ZNF106: variants seen among roughly 807,000 people sequenced by gnomAD.
ZNF106 encodes the protein SH3-domain binding protein 3.
In ZNF106, 67 loss-of-function variants were observed where a neutral mutation model predicts 195.1. That is an observed-to-expected ratio of 0.34 (90% CI 0.28 to 0.42). The LOEUF (loss-of-function observed/expected upper bound fraction) is 0.42, where lower values mean the gene tolerates loss of function less well. Ranked by LOEUF, ZNF106 falls within the 10% of genes least tolerant of loss-of-function variation. The pLI, the probability that ZNF106 is intolerant of heterozygous loss-of-function variation, is 1.00. For synonymous variants in ZNF106, 784 were observed against 818.6 expected, an observed-to-expected ratio of 0.96 and a Z score of 0.72; for missense variants, 2,118 against 2,304.5, an observed-to-expected ratio of 0.92 and a Z score of 1.66.
chr15:42,435,020 C>A (rs377083034), intron 14 of ZNF106, among the ~76,000 whole-genome samples: 9 of 152,108 alleles, frequency 5.9e-5, no homozygotes, highest in African/African-American at 1.9e-4. Flanking sequence ...TGAATCCACC[C>A]GCCTCTGCCT....
At chr15:42,434,142 T>C (rs888280161) in intron 14 of ZNF106, among the ~76,000 whole-genome samples, 1 of 152,034 alleles carries the variant, frequency 6.6e-6, no homozygotes, top group Non-Finnish European at 1.5e-5. Context: ...CCATAGTACC[T>C]CGCCTAGAAA....
At chr15:42,444,622 A>G (rs1400848567) in intron 8 of ZNF106, among the ~76,000 whole-genome samples, 1 of 152,186 alleles carries the variant, frequency 6.6e-6, no homozygotes, top group Non-Finnish European at 1.5e-5. Flanking sequence ...AGCTCTCCTA[A>G]TAAATGCTTT....
chr15:42,415,789 G>A lies in ZNF106; in HGVS notation c.*1515C>T. Reference sequence around the variant, plus strand: ...AGTCTCACTCTGTCACCAGGCTGGAGTGCAGTGGCACGATCTCAGCTTACT... The same window carrying A: ...AGTCTCACTCTGTCACCAGGCTGGAATGCAGTGGCACGATCTCAGCTTACT... On this transcript the variant is annotated 3_prime_UTR_variant, in exon 22 of 22. Transcript: ENST00000564754. The A allele has an allele frequency of 6.0e-6, 1 of 167,426 alleles. No individual in the cohort carries two copies. The highest frequency in any genetic ancestry group is 1.3e-4 in the South Asian group (1 of 7,478). 10.4% of individuals were successfully genotyped at this position (167,426 alleles called of 1,614,324 possible). A position where few individuals can be genotyped will look rare whatever the true frequency, so the allele number is the denominator to read the frequency against.
intron 5 of ZNF106, among the ~76,000 whole-genome samples, chr15:42,449,022 A>C (rs1410659804): frequency 1.3e-5 from 2 of 152,178 alleles, no homozygotes; most frequent in African/African-American, 2.4e-5. Context: ...ACCAAAACAA[A>C]AAAAAAAACC....
chr15:42,460,094 G>A (rs2056354096), intron 3 of ZNF106, among the ~76,000 whole-genome samples: 2 of 151,714 alleles, frequency 1.3e-5, no homozygotes, highest in Middle Eastern at 6.8e-3. Context: ...TAAAACTATG[G>A]AAAATATCTT....
At chr15:42,433,714 C>G (rs1397151569) in intron 14 of ZNF106, among the ~76,000 whole-genome samples, 9 of 152,116 alleles carry the variant, frequency 5.9e-5, no homozygotes, top group Non-Finnish European at 1.2e-4. Flanking sequence ...CACTCCTGAC[C>G]TCATGATCCT....
chr15:42,418,558 T>TTTTCC (rs1256860572), intron 20 of ZNF106, among the ~76,000 whole-genome samples: 1 of 141,194 alleles, frequency 7.1e-6, no homozygotes, highest in Admixed American at 7.6e-5. Context: ...TTTTTTTTTT[T>TTTTCC]AGTAAAGACA....
At chr15:42,420,129 T>A (rs1417430258) in intron 20 of ZNF106, among the ~76,000 whole-genome samples, 1 of 152,228 alleles carries the variant, frequency 6.6e-6, no homozygotes, top group East Asian at 1.9e-4. Context: ...GGTTTCACTT[T>A]CTGAGGTTTT....
intron 3 of ZNF106, among the ~76,000 whole-genome samples, chr15:42,460,969 C>CAA (rs59911411): frequency 1.3e-5 from 2 of 150,684 alleles, no homozygotes; most frequent in African/African-American, 4.9e-5. Flanking sequence ...CAAGAAACTT[C>CAA]AAAAAAAAAC....
At position 42,448,521 on chromosome 15, in the gene ZNF106, C is replaced by T; in HGVS notation, c.2686G>A (p.Val896Met). The T allele has an allele frequency of 1.2e-6, 2 of 1,614,126 alleles. No individual in the cohort carries two copies. The highest frequency in any genetic ancestry group is 1.1e-5 in the South Asian group (1 of 91,084). The change falls in exon 6 of 22, where the codon GTG becomes ATG. Residue 896 changes from valine (V) to methionine (M), a missense_variant. Transcript: ENST00000564754. ...CCTTCCTCACTGAAGAAGCTATACA[C>T]AGAAGGAGCTCTGTCCATGATCACG... ...SSVIMDRAPSVYSFFSEEGTG... is the reference protein window; with the variant it reads ...SSVIMDRAPSMYSFFSEEGTG...
intron 3 of ZNF106, among the ~76,000 whole-genome samples, chr15:42,458,952 T>C (rs1448668222): frequency 3.3e-5 from 5 of 152,060 alleles, no homozygotes; most frequent in Non-Finnish European, 7.4e-5. Flanking sequence ...GTAAGGATCA[T>C]GGAGAAGAGC....
rs559471734 is a variant in ZNF106 at position 42,450,188 on chromosome 15, G to T, written c.2084C>A (p.Thr695Asn). Reference sequence around the variant, plus strand: ...ATCAACCTGTGCATCTTCTAGAGAGGTTTTCAAGTCTAGCAATAAGCCAGG... The same window carrying T: ...ATCAACCTGTGCATCTTCTAGAGAGTTTTTCAAGTCTAGCAATAAGCCAGG... ...PHPGLLLDLK[T>N]SLEDAQVDDS... The change falls in exon 5 of 22, where the codon ACC becomes AAC. Residue 695 changes from threonine (T) to asparagine (N), a missense_variant. Coordinates refer to ENST00000564754, the MANE Select transcript of ZNF106 (RefSeq NM_001366845.3). 22 of 1,614,194 alleles carry T rather than the reference G, an allele frequency of 1.4e-5. No individual in the cohort carries two copies. In the East Asian group the frequency reaches 2.0e-4, roughly 15 times the overall value.
At chr15:42,461,499 C>A (rs546920321) in intron 3 of ZNF106, among the ~76,000 whole-genome samples, 1 of 152,314 alleles carries the variant, frequency 6.6e-6, no homozygotes, top group South Asian at 2.1e-4. Flanking sequence ...TCTAACTACC[C>A]GACAACAGCT....
chr15:42,444,028 C>A (rs1338493470), intron 9 of ZNF106, among the ~76,000 whole-genome samples, 174 bp downstream of exon 9: 1 of 143,420 alleles, frequency 7.0e-6, no homozygotes, highest in Non-Finnish European at 1.5e-5. Flanking sequence ...ACGAGTATCA[C>A]TTGAACCTGG....
chr15:42,463,960 A>G (rs760928276), intron 3 of ZNF106, among the ~76,000 whole-genome samples: 1 of 152,228 alleles, frequency 6.6e-6, no homozygotes, highest in Non-Finnish European at 1.5e-5. Context: ...TGAAAGTTTA[A>G]TAACACATTA....
At chr15:42,462,401 C>G (rs2056413697) in intron 3 of ZNF106, among the ~76,000 whole-genome samples, 1 of 152,130 alleles carries the variant, frequency 6.6e-6, no homozygotes, top group Admixed American at 6.5e-5. Context: ...AGTTCGAGAC[C>G]AGCCTGGTCA....
rs758054561 is a variant in ZNF106 at position 42,449,863 on chromosome 15, C to T, written c.2409G>A (p.Gln803=). Residue 803 remains glutamine (Q), a synonymous_variant, in exon 5 of 22, where the codon CAG becomes CAA. Coordinates refer to ENST00000564754, the MANE Select transcript of ZNF106 (RefSeq NM_001366845.3). ...CATTTCTCCGAGATGCATTTAGAAT[C>T]TGCCGTAGGGTTGGCTTGAGCCCAG... is the stretch of plus-strand genomic sequence containing the variant. The part of the protein sequence containing the change: ...KESGLKPTLR[Q]ILNASRRNVN... 1 of 1,614,184 alleles carries T rather than the reference C, an allele frequency of 6.2e-7. No homozygotes were observed. The highest frequency in any genetic ancestry group is 1.7e-5 in the Admixed American group (1 of 60,014).
At position 42,442,373 on chromosome 15, in the gene ZNF106, T is replaced by C. The variant is rs1367485634; in HGVS notation, c.3463A>G (p.Ser1155Gly). ...CTGTTCCTTCGTTCTCGTGTGAGGCTACAGGGAACCTGGTCTGGGTGCTCA... is the reference window on the plus strand; with the variant it reads ...CTGTTCCTTCGTTCTCGTGTGAGGCCACAGGGAACCTGGTCTGGGTGCTCA... Reference protein sequence around the residue: ...PSEHPDQVPCSLTRERRNSRS... With the variant: ...PSEHPDQVPCGLTRERRNSRS... The change falls in exon 10 of 22, where the codon AGC becomes GGC. Residue 1155 changes from serine (S) to glycine (G), a missense_variant. Physicochemically the swap from Ser to Gly is moderately conservative, Grantham distance 56. Coordinates refer to ENST00000564754, the MANE Select transcript of ZNF106 (RefSeq NM_001366845.3). 1 of 1,614,080 alleles carries C rather than the reference T, an allele frequency of 6.2e-7. No homozygotes were observed. The highest frequency in any genetic ancestry group is 8.5e-7 in the Non-Finnish European group (1 of 1,179,946).
chr15:42,453,807 G>A (rs1394747824), intron 4 of ZNF106, among the ~76,000 whole-genome samples: 1 of 152,104 alleles, frequency 6.6e-6, no homozygotes, highest in Non-Finnish European at 1.5e-5. Flanking sequence ...TGTTGGCCAG[G>A]CTGGTCTTGA....
Sources: allele counts gnomAD v4.1 joint callset (sites outside exome capture counted in the v4.1 genomes callset), GRCh38; gene constraint gnomAD v4.1.1; transcripts MANE v1.5; gene names NCBI Gene and HGNC (gene_info 2026-07-23, HGNC 2026-07-21).